Variants in GALNT13 observed in about 807,000 individuals in gnomAD.
GALNT13 encodes polypeptide N-acetylgalactosaminyltransferase 13.
Under a neutral mutation model 64.2 loss-of-function variants are expected in GALNT13, and 28 were observed. The observed-to-expected ratio is 0.44, with a 90% CI of 0.32 to 0.60. GALNT13 has a LOEUF of 0.60. Among genes scored for constraint, GALNT13 ranks in the 20% least tolerant of loss-of-function variants. GALNT13 has a pLI of 0.05. For missense variants in GALNT13, 577 were observed against 669.8 expected (o/e 0.86, Z 1.53); for synonymous variants, 214 against 224.6 (o/e 0.95, Z 0.42).
the GALNT13 span, among the ~76,000 whole-genome samples, chr2:153,441,233 G>T: frequency 1.3e-5 from 2 of 152,030 alleles, no homozygotes; most frequent in Non-Finnish European, 2.9e-5. Context: ...GTTTGTATCA[G>T]GTTTGTCAAA....
At chr2:153,902,541 T>C (rs1003331827) in intron 2 of GALNT13, among the ~76,000 whole-genome samples, 2 of 152,088 alleles carry the variant, frequency 1.3e-5, no homozygotes, top group African/African-American at 2.4e-5. Context: ...TGGTGATATC[T>C]TCAAACTGGA....
At chr2:154,225,743 T>A (rs1446315889) in intron 4 of GALNT13, among the ~76,000 whole-genome samples, 1 of 152,084 alleles carries the variant, frequency 6.6e-6, no homozygotes, top group East Asian at 1.9e-4. Flanking sequence ...CAGGGGAAGT[T>A]TGTCCATTTT....
chr2:153,922,282 A>G (rs537028399), intron 2 of GALNT13, among the ~76,000 whole-genome samples: 1 of 152,148 alleles, frequency 6.6e-6, no homozygotes, highest in Non-Finnish European at 1.5e-5. Context: ...GATACTTTGA[A>G]CTGGAGTACA....
At chr2:153,757,187 C>T in the GALNT13 span, among the ~76,000 whole-genome samples, 2 of 152,112 alleles carry the variant, frequency 1.3e-5, no homozygotes, top group African/African-American at 4.8e-5. Context: ...TTACCCTCCC[C>T]CACAGTCGCT....
chr2:154,144,841 A>G (rs1279564530), intron 4 of GALNT13, among the ~76,000 whole-genome samples: 2 of 151,948 alleles, frequency 1.3e-5, no homozygotes, highest in Non-Finnish European at 2.9e-5. Flanking sequence ...ATCCCTAGGA[A>G]TGTTTAAATA....
chr2:153,902,182 CT>C (rs1688281830), intron 2 of GALNT13, among the ~76,000 whole-genome samples: 1 of 152,018 alleles, frequency 6.6e-6, no homozygotes, highest in African/African-American at 2.4e-5. Flanking sequence ...TTCAGAATTA[CT>C]AGTATTTAAA....
chr2:154,310,048 G>A (rs1469035307), intron 9 of GALNT13, among the ~76,000 whole-genome samples: 5 of 152,068 alleles, frequency 3.3e-5, no homozygotes, highest in South Asian at 4.1e-4. Context: ...TTACCTTGAA[G>A]GTTTTCTGTA....
chr2:153,478,846 A>T, the GALNT13 span: 5 of 392,484 alleles, frequency 1.3e-5, no homozygotes, highest in South Asian at 9.1e-5. Context: ...GGGCTGGACC[A>T]GCCCGGCCGT....
the GALNT13 span, among the ~76,000 whole-genome samples, chr2:153,453,183 A>T: frequency 6.6e-6 from 1 of 152,204 alleles, no homozygotes; most frequent in Non-Finnish European, 1.5e-5. Context: ...AAGACCTAGG[A>T]AACACAATTC....
At chr2:153,114,645 A>C in the GALNT13 span, among the ~76,000 whole-genome samples, 1 of 152,082 alleles carries the variant, frequency 6.6e-6, no homozygotes, top group African/African-American at 2.4e-5. Flanking sequence ...TAACAGTTGA[A>C]ATGACAGGCT....
the GALNT13 span, among the ~76,000 whole-genome samples, chr2:153,740,869 C>G: frequency 6.6e-6 from 1 of 152,112 alleles, no homozygotes; most frequent in African/African-American, 2.4e-5. Flanking sequence ...GGGCAGCCCC[C>G]TTTTAGCTCT....
the GALNT13 span, among the ~76,000 whole-genome samples, chr2:153,611,296 C>G: frequency 6.6e-6 from 1 of 152,086 alleles, no homozygotes; most frequent in African/African-American, 2.4e-5. Flanking sequence ...CTCAGCATAC[C>G]TAATACATGA....
intron 11 of GALNT13, among the ~76,000 whole-genome samples, chr2:154,433,236 G>T (rs925643093): frequency 7.2e-5 from 11 of 152,252 alleles, no homozygotes; most frequent in African/African-American, 2.6e-4. Context: ...CTGAATACAG[G>T]GAGCTGACTG....
intron 11 of GALNT13, among the ~76,000 whole-genome samples, chr2:154,414,440 G>A (rs765294883): frequency 2.9e-4 from 44 of 151,850 alleles, no homozygotes; most frequent in Non-Finnish European, 4.0e-4. Flanking sequence ...TATAGTCACT[G>A]TATTTGCATT....
In GALNT13 at chr2:154,064,161, G is replaced by A. The variant is rs565334622; in HGVS notation, c.143-76176G>A. On this transcript the variant is annotated intron_variant, in intron 3 of 12. Coordinates refer to ENST00000392825, the MANE Select transcript of GALNT13 (RefSeq NM_052917.4). ...AAGCAAAAACTTGTAGAACTTAGCC[G>A]ACACTGATGGAAGGAGCATGTACAC... is the stretch of plus-strand genomic sequence containing the variant. 1.3e-4 allele frequency among the ~76,000 whole-genome samples: 20 copies of A among 152,232 alleles called. 1 individual carries two copies. The South Asian group carries it at 3.5e-3, about 27-fold the overall frequency.
At chr2:153,313,884 G>C in the GALNT13 span, among the ~76,000 whole-genome samples, 1 of 152,104 alleles carries the variant, frequency 6.6e-6, no homozygotes, top group Non-Finnish European at 1.5e-5. Flanking sequence ...CTAGTTCCAA[G>C]AGTATTTTTA....
At chr2:154,399,181 G>T (rs753277244) in intron 10 of GALNT13, among the ~76,000 whole-genome samples, 3 of 152,118 alleles carry the variant, frequency 2.0e-5, no homozygotes, top group Non-Finnish European at 4.4e-5. Context: ...TATTCAAGTG[G>T]CTGAGGCAGT....
At chr2:153,233,764 A>G in the GALNT13 span, among the ~76,000 whole-genome samples, 1 of 152,192 alleles carries the variant, frequency 6.6e-6, no homozygotes, top group Non-Finnish European at 1.5e-5. Context: ...AAGATGGCAG[A>G]AATGAATCAT....
At chr2:153,679,223 A>ACTGCCTAAG in the GALNT13 span, among the ~76,000 whole-genome samples, 1 of 152,004 alleles carries the variant, frequency 6.6e-6, no homozygotes, top group East Asian at 1.9e-4. Context: ...TAACAGCATT[A>ACTGCCTAAG]CACTAGACTG....
Sources: allele counts gnomAD v4.1 joint callset (sites outside exome capture counted in the v4.1 genomes callset), GRCh38; gene constraint gnomAD v4.1.1; transcripts MANE v1.5; gene names NCBI Gene and HGNC (gene_info 2026-07-23, HGNC 2026-07-21).